MIF4GD: variants seen among roughly 807,000 people sequenced by gnomAD.
MIF4GD encodes the protein MIF4G domain-containing protein.
Under a neutral mutation model 26.7 loss-of-function variants are expected in MIF4GD, and 22 were observed. That is an observed-to-expected ratio of 0.82 (90% CI 0.59 to 1.18). MIF4GD has a LOEUF of 1.18. Among genes scored for constraint, MIF4GD ranks in the 50% most tolerant of loss-of-function variants. MIF4GD has a pLI of 0.00. For synonymous variants in MIF4GD, 137 were observed against 111.6 expected (o/e 1.23, Z -1.43); for missense variants, 262 against 279.6 (o/e 0.94, Z 0.45).
chr17:75,268,138 A>G lies in MIF4GD; in HGVS notation c.137T>C (p.Leu46Pro), dbSNP rs1325352602. The G allele has an allele frequency of 1.2e-6, 2 of 1,614,290 alleles. No homozygotes were observed. The highest frequency in any genetic ancestry group is 2.2e-5 in the East Asian group (1 of 44,892). Residue 46 changes from leucine to proline, a missense_variant, in exon 3 of 6, where the codon CTG becomes CCG. Coordinates refer to ENST00000325102, the MANE Select transcript of MIF4GD (RefSeq NM_001370592.1). ...KVANVIVDHS[L>P]QDCVFSKEAG... ...TTCCTTGCTGAACACACAGTCCTGCAGAGAATGGTCCACAATCACATTGGC... is the reference window on the plus strand; with the variant it reads ...TTCCTTGCTGAACACACAGTCCTGCGGAGAATGGTCCACAATCACATTGGC...
chr17:75,268,079 C>T lies in MIF4GD; in HGVS notation c.192+4G>A. On this transcript the variant is annotated splice_donor_region_variant and intron_variant, in intron 3 of 5. Transcript: ENST00000325102. ...CAGCTTCCTTTCCTCTCCCAACCCC[C>T]AACCTGAATGATGGCGTAGCACATG... is the stretch of plus-strand genomic sequence containing the variant. 6.2e-7 allele frequency: 1 copy of T among 1,614,032 alleles called. No individual in the cohort carries two copies. Among genetic ancestry groups the T allele is most frequent in the African/African-American group, 1.3e-5 (1 of 75,062 alleles).
At position 75,270,291 on chromosome 17, in the gene MIF4GD, G is replaced by T. The variant is rs2077685450; in HGVS notation, c.-50-46C>A. ...GAGCGGCCTCAGGTGTGGAGCGCAGGGCGGGTTCCGTCCTGCAGGCCCTGG... is the reference window on the plus strand; with the variant it reads ...GAGCGGCCTCAGGTGTGGAGCGCAGTGCGGGTTCCGTCCTGCAGGCCCTGG... On this transcript the variant is annotated intron_variant, in intron 1 of 5. Coordinates refer to ENST00000325102, the MANE Select transcript of MIF4GD (RefSeq NM_001370592.1). The surrounding 1 kb of genome is among the most constrained non-coding windows in gnomAD (Gnocchi z 5.7). The T allele has an allele frequency of 2.7e-6, 3 of 1,121,432 alleles. No homozygotes were observed. In the Admixed American group the frequency reaches 5.2e-5, roughly 19 times the overall value. 69.5% of individuals were successfully genotyped at this position (1,121,432 alleles called of 1,614,324 possible).
intron 4 of MIF4GD, 25 bp downstream of exon 4, chr17:75,267,721 C>G: frequency 6.2e-7 from 1 of 1,612,094 alleles, no homozygotes; most frequent in Non-Finnish European, 8.5e-7. Context: ...ATGTCTGCCT[C>G]CCAGGGTGGC....
At chr17:75,267,376 G>A in intron 5 of MIF4GD, 162 bp downstream of exon 5, 1 of 677,624 alleles carries the variant, frequency 1.5e-6, no homozygotes, top group Non-Finnish European at 2.5e-6. Flanking sequence ...TCCAGACCTG[G>A]CAGCTTGTCC....
In MIF4GD at chr17:75,267,769, A is replaced by C. The variant is rs769280537; in HGVS notation, c.325T>G (p.Cys109Gly). 8 of 1,613,798 alleles carry C rather than the reference A, an allele frequency of 5.0e-6. No homozygotes were observed. Among genetic ancestry groups the C allele is most frequent in the Non-Finnish European group, 6.8e-6 (8 of 1,179,814 alleles). Residue 109 changes from cysteine (C) to glycine (G), a missense_variant, in exon 4 of 6, where the codon TGC becomes GGC. Cys to Gly is a radical substitution (Grantham distance 159). Coordinates refer to ENST00000325102, the MANE Select transcript of MIF4GD (RefSeq NM_001370592.1). ...ACCCTCAGGTAGTCAAAGATGTTGC[A>C]GATAAAGGTGACATAGCAGACCCAG... is the stretch of plus-strand genomic sequence containing the variant. ...QGWVCYVTFI[C>G]NIFDYLRVNN...
rs1555599628 is a variant in MIF4GD, at chr17:75,271,157, G to GGCTC, written c.-65_-64insGAGC. ...GCCGGGACCCACCTGCCGGGCCGGT[G>GGCTC]GCGCGCGCGCGTGCCCGGGGCCGCT... On this transcript the variant is annotated 5_prime_UTR_variant, in exon 1 of 6. Coordinates refer to ENST00000325102, the MANE Select transcript of MIF4GD (RefSeq NM_001370592.1). This position sits in a 1 kb window ranked among gnomAD's most constrained non-coding sequence, Gnocchi z 4.2. The GGCTC allele has an allele frequency of 6.7e-6, 1 of 148,846 alleles. No homozygotes were observed. Among genetic ancestry groups the GGCTC allele is most frequent in the Non-Finnish European group, 1.5e-5 (1 of 66,754 alleles). 9.2% of individuals were successfully genotyped at this position (148,846 alleles called of 1,614,324 possible).
rs16967764 is a variant in MIF4GD, at chr17:75,266,534, G to A, written c.*206C>T. The stretch of plus-strand genomic sequence containing the variant: ...GGGAGTTGCCCTTCTCTGCCTGGCC[G>A]TGGTGGGTTGTGGTGGGGAAAGGGG... On this transcript the variant is annotated 3_prime_UTR_variant, in exon 6 of 6. Coordinates refer to ENST00000325102, the MANE Select transcript of MIF4GD (RefSeq NM_001370592.1). 18,620 of 603,176 alleles carry A rather than the reference G, an allele frequency of 0.031. 1,160 individuals carry two copies. Among genetic ancestry groups the A allele is most frequent in the African/African-American group, 0.16 (8,659 of 53,982 alleles). The allele number at this position is 603,176 out of a possible 1,614,324, so 37.4% of individuals were successfully genotyped here. A position where few individuals can be genotyped will look rare whatever the true frequency, so the allele number is the denominator to read the frequency against.
At chr17:75,268,587 G>A (rs1434391014) in intron 2 of MIF4GD, among the ~76,000 whole-genome samples, 7 of 150,942 alleles carry the variant, frequency 4.6e-5, no homozygotes, top group African/African-American at 1.7e-4. Context: ...CAGGAGAATC[G>A]CTTGGACCTG....
chr17:75,268,213 G>C, intron 2 of MIF4GD, 21 bp from the exon 3 acceptor site: 1 of 1,582,244 alleles, frequency 6.3e-7, no homozygotes, highest in South Asian at 1.1e-5. Flanking sequence ...AGATAGGAGG[G>C]GAGTCTAGAG....
rs2077552800 is a variant in MIF4GD, at chr17:75,267,781, C to T, written c.313G>A (p.Val105Ile). The change falls in exon 4 of 6, where the codon GTC becomes ATC. Residue 105 changes from valine to isoleucine, a missense_variant. Physicochemically the swap from Val to Ile is conservative, Grantham distance 29. Transcript: ENST00000325102. Reference sequence around the variant, plus strand: ...TCAAAGATGTTGCAGATAAAGGTGACATAGCAGACCCAGCCCTGCAGGGAG... The same window carrying T: ...TCAAAGATGTTGCAGATAAAGGTGATATAGCAGACCCAGCCCTGCAGGGAG... ...ARSLQGWVCY[V>I]TFICNIFDYL... 6.2e-7 allele frequency: 1 copy of T among 1,613,768 alleles called. No individual in the cohort carries two copies. The highest frequency in any genetic ancestry group is 8.5e-7 in the Non-Finnish European group (1 of 1,179,902).
rs536784078 is a variant in MIF4GD at position 75,266,830 on chromosome 17, C to T, written c.579G>A (p.Leu193=). The part of the protein sequence containing the change: ...LPTGLSSLAQ[L]LLLEIIEFRA... ...GGAACTCAATGATCTCCAGCAGCAG[C>T]AGCTGGGCCAGGGAGCTGAGGCCAG... Residue 193 remains leucine (L), a synonymous_variant, in exon 6 of 6, where the codon CTG becomes CTA. Coordinates refer to ENST00000325102, the MANE Select transcript of MIF4GD (RefSeq NM_001370592.1). The T allele has an allele frequency of 1.9e-6, 3 of 1,614,108 alleles. No homozygotes were observed. Among genetic ancestry groups the T allele is most frequent in the East Asian group, 2.2e-5 (1 of 44,902 alleles).
chr17:75,270,518 G>T lies in MIF4GD; in HGVS notation c.-50-273C>A, dbSNP rs1248636984. ...GGAAAGCGCCCACCCTCCAGTCCCA[G>T]CAGGAGGCAGGAGTAGACTGGGGCA... On this transcript the variant is annotated intron_variant, in intron 1 of 5. Transcript: ENST00000325102. This position sits in a 1 kb window ranked among gnomAD's most constrained non-coding sequence, Gnocchi z 5.7. 1 of 319,148 alleles carries T rather than the reference G, an allele frequency of 3.1e-6. No individual in the cohort carries two copies. The highest frequency in any genetic ancestry group is 4.4e-5 in the Admixed American group (1 of 22,766). 19.8% of individuals were successfully genotyped at this position (319,148 alleles called of 1,614,324 possible).
chr17:75,266,812 A>G lies in MIF4GD; in HGVS notation c.597T>C (p.Ile199=), dbSNP rs200570459. 2 of 1,614,158 alleles carry G rather than the reference A, an allele frequency of 1.2e-6. No homozygotes were observed. Among genetic ancestry groups the G allele is most frequent in the Non-Finnish European group, 1.7e-6 (2 of 1,180,028 alleles). ...TCTTCCAGCCGGCCGCCCGGAACTC[A>G]ATGATCTCCAGCAGCAGCAGCTGGG... ...SLAQLLLLEI[I]EFRAAGWKTT... The change falls in exon 6 of 6, where the codon ATT becomes ATC. Residue 199 remains isoleucine (I), a synonymous_variant. Coordinates refer to ENST00000325102, the MANE Select transcript of MIF4GD (RefSeq NM_001370592.1).
chr17:75,270,300 C>T lies in MIF4GD; in HGVS notation c.-50-55G>A. On this transcript the variant is annotated intron_variant, in intron 1 of 5. Transcript: ENST00000325102. The surrounding 1 kb of genome is among the most constrained non-coding windows in gnomAD (Gnocchi z 5.7). ...CAGGTGTGGAGCGCAGGGCGGGTTC[C>T]GTCCTGCAGGCCCTGGACGGGGCTG... The T allele has an allele frequency of 9.9e-7, 1 of 1,013,938 alleles. No homozygotes were observed. The highest frequency in any genetic ancestry group is 1.5e-6 in the Non-Finnish European group (1 of 649,580). The allele number at this position is 1,013,938 out of a possible 1,614,324, so 62.8% of individuals were successfully genotyped here.
chr17:75,267,459 G>A, intron 5 of MIF4GD, 79 bp downstream of exon 5: 2 of 1,400,694 alleles, frequency 1.4e-6, no homozygotes, highest in South Asian at 1.2e-5. Flanking sequence ...ACCTCCGTGA[G>A]CAGTGGGCTG....
chr17:75,268,314 G>C (rs2077580480), intron 2 of MIF4GD, 122 bp from the exon 3 acceptor site: 2 of 753,612 alleles, frequency 2.7e-6, no homozygotes, highest in African/African-American at 1.7e-5. Flanking sequence ...AAAGAGATCA[G>C]AAATCATACA....
At position 75,270,781 on chromosome 17, in the gene MIF4GD, G is replaced by GCCCTGTCCGCCGCCC. The variant is rs960403917; in HGVS notation, c.-51+348_-51+362dup. Among the ~76,000 whole-genome samples, 11 of 152,182 alleles carry GCCCTGTCCGCCGCCC rather than the reference G, an allele frequency of 7.2e-5. No homozygotes were observed. Among genetic ancestry groups the GCCCTGTCCGCCGCCC allele is most frequent in the Non-Finnish European group, 1.3e-4 (9 of 68,022 alleles). On this transcript the variant is annotated intron_variant, in intron 1 of 5. Coordinates refer to ENST00000325102, the MANE Select transcript of MIF4GD (RefSeq NM_001370592.1). This position sits in a 1 kb window ranked among gnomAD's most constrained non-coding sequence, Gnocchi z 5.7. ...GGCCTGCGTGGGTGGGGACGCAGGC[G>GCCCTGTCCGCCGCCC]CCCTGTCCGCCGCCCCTGCCGGGAG...
intron 2 of MIF4GD, among the ~76,000 whole-genome samples, 187 bp from the exon 3 acceptor site, chr17:75,268,379 C>T (rs1228305961): frequency 6.6e-6 from 1 of 152,130 alleles, no homozygotes; most frequent in African/African-American, 2.4e-5. Flanking sequence ...TATAAGAAAT[C>T]ATGGCCGGGC....
chr17:75,267,939 G>A (rs372046043), intron 3 of MIF4GD, 38 bp from the exon 4 acceptor site: 30 of 1,601,502 alleles, frequency 1.9e-5, no homozygotes, highest in African/African-American at 8.0e-5. Context: ...GGTGGGGGGC[G>A]GTGCCCCTGT....
Sources: allele counts gnomAD v4.1 joint callset (sites outside exome capture counted in the v4.1 genomes callset), GRCh38; gene constraint gnomAD v4.1.1; non-coding constraint Gnocchi (gnomAD v3.1); transcripts MANE v1.5; gene names NCBI Gene and HGNC (gene_info 2026-07-23, HGNC 2026-07-21).